The following CFAP299 variants were observed in gnomAD, a reference collection of about 807,000 sequenced individuals.
CFAP299 encodes the protein cilia- and flagella-associated protein 299.
In CFAP299, 21 loss-of-function variants were observed where a neutral mutation model predicts 27.0. The ratio of observed to expected loss-of-function variants is 0.78; its 90% CI spans 0.55 to 1.12. The LOEUF (loss-of-function observed/expected upper bound fraction) is 1.12. CFAP299 is among the 50% of genes most tolerant of loss of function. The probability of loss-of-function intolerance (pLI) is 0.00; values close to 1 mark genes in which losing one functional copy is unlikely to be tolerated. For synonymous variants in CFAP299, 104 were observed against 98.1 expected (o/e 1.06, Z -0.36); for missense variants, 310 against 276.6 (o/e 1.12, Z -0.86).
chr4:80,871,616 C>T (rs1733102300), intron 4 of CFAP299: 1 of 984,282 alleles, frequency 1.0e-6, no homozygotes, highest in African/African-American at 1.7e-5. Context: ...TATCCTAGAC[C>T]TCTTGTTTTT....
intron 4 of CFAP299, among the ~76,000 whole-genome samples, chr4:80,896,385 A>T (rs1262763786): frequency 1.3e-5 from 2 of 152,250 alleles, no homozygotes; most frequent in East Asian, 3.9e-4. Context: ...TGAGGGCAGT[A>T]TTGTAATGTT....
At chr4:80,432,300 C>T (rs549367062) in intron 2 of CFAP299, among the ~76,000 whole-genome samples, 168 of 151,738 alleles carry the variant, frequency 1.1e-3, no homozygotes, top group Non-Finnish European at 1.5e-3. Context: ...TACAGGCACG[C>T]GCCACCATGG....
chr4:80,340,441 T>C lies in CFAP299; in HGVS notation c.111+4562T>C, dbSNP rs1029735955. Among the ~76,000 whole-genome samples the C allele has an allele frequency of 5.2e-4, 79 of 152,156 alleles. 3 individuals are homozygous for C. ...CCCAGGAGTTTTTCAGTCTCCAGCC[T>C]TGGGAATCCTGACAAGGTGGGAGTT... On this transcript the variant is annotated intron_variant, in intron 1 of 5. Transcript: ENST00000358105.
intron 3 of CFAP299, among the ~76,000 whole-genome samples, chr4:80,651,301 C>CTCTCTCTG (rs1740271289): frequency 6.7e-6 from 1 of 150,248 alleles, no homozygotes; most frequent in African/African-American, 2.4e-5. Flanking sequence ...CTCTCTCTCT[C>CTCTCTCTG]TTTCTTTCTT....
chr4:80,799,663 T>TA (rs369001971), intron 3 of CFAP299, among the ~76,000 whole-genome samples: 1,894 of 7,132 alleles, frequency 0.27, 421 homozygotes, highest in Middle Eastern at 0.5. Context: ...ATATATTATA[T>TA]TTTATAAATA....
At chr4:80,535,749 T>C (rs1371475813) in intron 2 of CFAP299, among the ~76,000 whole-genome samples, 1 of 152,194 alleles carries the variant, frequency 6.6e-6, no homozygotes, top group Non-Finnish European at 1.5e-5. Context: ...ACCTTGCTCA[T>C]GCCTTAGGCA....
chr4:80,859,300 G>A (rs1055168054), intron 3 of CFAP299, among the ~76,000 whole-genome samples: 4 of 152,096 alleles, frequency 2.6e-5, no homozygotes, highest in African/African-American at 9.7e-5. Context: ...GAGCCTATGT[G>A]TGTCTCTGCA....
chr4:80,432,345 G>T (rs1446603266), intron 2 of CFAP299, among the ~76,000 whole-genome samples: 3 of 151,866 alleles, frequency 2.0e-5, no homozygotes, highest in Admixed American at 2.0e-4. Context: ...TAGAGACGGG[G>T]TTTCACCATG....
At chr4:80,520,145 T>C (rs528504780) in intron 2 of CFAP299, among the ~76,000 whole-genome samples, 1 of 152,340 alleles carries the variant, frequency 6.6e-6, no homozygotes, top group Admixed American at 6.5e-5. Flanking sequence ...ATTTGTTCTT[T>C]ATTTATTTTA....
intron 3 of CFAP299, among the ~76,000 whole-genome samples, chr4:80,783,481 C>T (rs1053977482): frequency 6.6e-6 from 1 of 152,132 alleles, no homozygotes; most frequent in Non-Finnish European, 1.5e-5. Context: ...GCCATTATTA[C>T]ATAATTATAA....
intron 2 of CFAP299, among the ~76,000 whole-genome samples, chr4:80,377,214 TTTC>T (rs1283733517): frequency 7.9e-5 from 12 of 152,242 alleles, no homozygotes; most frequent in African/African-American, 2.6e-4. Context: ...ACAAGTATCT[TTTC>T]TATATTTTCT....
chr4:80,327,750 T>TATAACTTCAA, the CFAP299 span, among the ~76,000 whole-genome samples: 4 of 144,590 alleles, frequency 2.8e-5, no homozygotes, highest in Admixed American at 7.0e-5. Flanking sequence ...TATATATATG[T>TATAACTTCAA]TGAGAAAGCT....
At chr4:80,458,546 G>C (rs1242020884) in intron 2 of CFAP299, among the ~76,000 whole-genome samples, 1 of 152,174 alleles carries the variant, frequency 6.6e-6, no homozygotes, top group Non-Finnish European at 1.5e-5. Flanking sequence ...ATATTTATAA[G>C]ATGGTTGTTT....
intron 3 of CFAP299, among the ~76,000 whole-genome samples, chr4:80,854,898 GTGCAAGAAA>G (rs1731755516): frequency 6.7e-6 from 1 of 148,804 alleles, no homozygotes; most frequent in Admixed American, 6.7e-5. Flanking sequence ...AGAAGGATGT[GTGCAAGAAA>G]TTTGAAGTGC....
At chr4:80,382,705 A>G (rs1368536356) in intron 2 of CFAP299, among the ~76,000 whole-genome samples, 1 of 152,178 alleles carries the variant, frequency 6.6e-6, no homozygotes, top group Non-Finnish European at 1.5e-5. Flanking sequence ...AGAAAAGGGA[A>G]CACTTATACA....
At chr4:80,935,457 AGCAAGCAATGGGGAAAGT>A (rs1017066242) in intron 4 of CFAP299, among the ~76,000 whole-genome samples, 2 of 152,060 alleles carry the variant, frequency 1.3e-5, no homozygotes, top group Admixed American at 1.3e-4. Context: ...TTTTAAAAAA[AGCAAGCAATGGGGAAAGT>A]ATTCCCTATT....
chr4:80,581,488 A>ATATATATATATATATATATT (rs1434732704), intron 2 of CFAP299, among the ~76,000 whole-genome samples: 1 of 137,144 alleles, frequency 7.3e-6, no homozygotes, highest in Non-Finnish European at 1.6e-5. Flanking sequence ...ATATATATAT[A>ATATATATATATATATATATT]TGACAAGCTG....
At chr4:80,395,907 T>C (rs184673871) in intron 2 of CFAP299, among the ~76,000 whole-genome samples, 7 of 152,238 alleles carry the variant, frequency 4.6e-5, no homozygotes, top group African/African-American at 1.7e-4. Context: ...CAGAAAATAA[T>C]TGACTAAGCT....
chr4:80,396,227 G>T (rs143255744), intron 2 of CFAP299, among the ~76,000 whole-genome samples: 65 of 152,178 alleles, frequency 4.3e-4, no homozygotes, highest in African/African-American at 1.3e-3. Context: ...CCACTACAAT[G>T]GTCCTTTGCC....
Sources: gnomAD v4.1 joint callset for allele counts (sites outside exome capture counted in the v4.1 genomes callset) on GRCh38, gnomAD v4.1.1 for gene constraint, MANE v1.5 for transcripts, NCBI Gene and HGNC (gene_info 2026-07-23, HGNC 2026-07-21) for gene names.